The following AQR variants were observed in gnomAD, a reference collection of about 807,000 sequenced individuals.
AQR encodes RNA helicase aquarius.
Under a neutral mutation model 180.5 loss-of-function variants are expected in AQR, and 61 were observed. That is an observed-to-expected ratio of 0.34 (90% CI 0.28 to 0.42). The LOEUF (loss-of-function observed/expected upper bound fraction) is 0.42, where lower values mean the gene tolerates loss of function less well. Ranked by LOEUF, AQR falls within the 10% of genes least tolerant of loss-of-function variation. AQR has a pLI of 1.00. For synonymous variants in AQR, 551 were observed against 588.8 expected (o/e 0.94, Z 0.93); for missense variants, 1,281 against 1,798.3 (o/e 0.71, Z 5.20).
At chr15:34,966,409 A>G (rs1381848134) in intron 1 of AQR, among the ~76,000 whole-genome samples, 1 of 152,196 alleles carries the variant, frequency 6.6e-6, no homozygotes, top group African/African-American at 2.4e-5. Context: ...TCTGCATTTC[A>G]AAGTCCAACT....
chr15:34,878,931 G>C (rs1892927780), intron 27 of AQR, among the ~76,000 whole-genome samples: 1 of 152,070 alleles, frequency 6.6e-6, no homozygotes, highest in East Asian at 1.9e-4. Context: ...GGGAGGCTGA[G>C]GCAGGAGAAT....
At chr15:34,865,183 A>G (rs1892724066) in intron 32 of AQR, among the ~76,000 whole-genome samples, 1 of 152,208 alleles carries the variant, frequency 6.6e-6, no homozygotes, top group South Asian at 2.1e-4. Flanking sequence ...CTGTTAAACA[A>G]CAACGCCAAC....
chr15:34,946,954 C>T (rs575367966), intron 5 of AQR, among the ~76,000 whole-genome samples: 3 of 151,926 alleles, frequency 2.0e-5, no homozygotes, highest in East Asian at 3.9e-4. Flanking sequence ...TGCCCGGCCG[C>T]GCCTACTGGG....
intron 9 of AQR, among the ~76,000 whole-genome samples, chr15:34,936,480 C>T (rs936304284): frequency 2.0e-5 from 3 of 152,128 alleles, no homozygotes; most frequent in Non-Finnish European, 4.4e-5. Flanking sequence ...CTTTGGGAGG[C>T]CGAGGAGGGT....
intron 30 of AQR, among the ~76,000 whole-genome samples, chr15:34,873,357 T>C (rs768666504): frequency 3.9e-5 from 6 of 152,162 alleles, no homozygotes; most frequent in Non-Finnish European, 8.8e-5. Context: ...TGAGCATTGT[T>C]ATAGAAGTGA....
intron 8 of AQR, 141 bp from the exon 9 acceptor site, chr15:34,938,954 G>C (rs1006136697): frequency 1.0e-5 from 6 of 598,044 alleles, no homozygotes; most frequent in East Asian, 2.8e-5. Context: ...TCAATATACA[G>C]CTTCTTCTTT....
intron 32 of AQR, 54 bp from the exon 33 acceptor site, chr15:34,863,095 C>A (rs2140458135): frequency 6.7e-7 from 1 of 1,496,922 alleles, no homozygotes; most frequent in Non-Finnish European, 9.0e-7. Flanking sequence ...AACATTTAAG[C>A]AGCTTTTTTT....
At chr15:34,871,956 T>TTA (rs934699851) in intron 30 of AQR, among the ~76,000 whole-genome samples, 2 of 136,488 alleles carry the variant, frequency 1.5e-5, no homozygotes, top group African/African-American at 2.7e-5. Context: ...ACACAATATT[T>TTA]AAAAAAAAAA....
intron 31 of AQR, chr15:34,869,993 C>G (rs1892792550): frequency 6.6e-6 from 1 of 152,114 alleles, no homozygotes; most frequent in Non-Finnish European, 1.5e-5. Flanking sequence ...TTATACTATT[C>G]ATCACTGAAT....
At chr15:34,867,200 A>G (rs184348653) in intron 32 of AQR, among the ~76,000 whole-genome samples, 3 of 152,228 alleles carry the variant, frequency 2.0e-5, no homozygotes, top group African/African-American at 2.4e-5. Flanking sequence ...TATTCTGAAG[A>G]CTTTTTAGTT....
intron 31 of AQR, chr15:34,870,076 A>G (rs1162845189): frequency 6.6e-6 from 1 of 152,142 alleles, no homozygotes; most frequent in African/African-American, 2.4e-5. Context: ...TGAAGGCTGG[A>G]CGGTTTTCAT....
intron 23 of AQR, 56 bp downstream of exon 23, chr15:34,893,607 G>GCACGCGCACACACA: frequency 1.0e-6 from 1 of 997,688 alleles, no homozygotes; most frequent in Non-Finnish European, 1.5e-6. Flanking sequence ...GCGCATGCGT[G>GCACGCGCACACACA]CACACACACA....
chr15:34,908,898 G>T (rs1311800658), intron 17 of AQR, among the ~76,000 whole-genome samples: 1 of 152,104 alleles, frequency 6.6e-6, no homozygotes, highest in Non-Finnish European at 1.5e-5. Context: ...ATCTCCTTAA[G>T]CTTCAAGGAA....
intron 12 of AQR, among the ~76,000 whole-genome samples, chr15:34,929,018 G>A (rs970444658): frequency 3.7e-4 from 56 of 152,178 alleles, no homozygotes; most frequent in African/African-American, 1.2e-3. Flanking sequence ...GTTCATATCC[G>A]TTGCCCACTT....
At chr15:34,880,719 G>T (rs1336402596) in intron 27 of AQR, among the ~76,000 whole-genome samples, 1 of 152,118 alleles carries the variant, frequency 6.6e-6, no homozygotes. Flanking sequence ...AGGAAGGAAA[G>T]GTGCACGCAC....
intron 13 of AQR, among the ~76,000 whole-genome samples, chr15:34,921,985 T>C (rs1312844991): frequency 5.9e-5 from 9 of 152,132 alleles, no homozygotes; most frequent in Non-Finnish European, 1.2e-4. Context: ...TAAATTTTTG[T>C]ATTTTTGGTA....
rs775297416 is a variant in AQR, at chr15:34,884,650, A to G, written c.2902T>C (p.Phe968Leu). 2.5e-6 allele frequency: 4 copies of G among 1,612,712 alleles called. No individual in the cohort carries two copies. Among genetic ancestry groups the G allele is most frequent in the Non-Finnish European group, 3.4e-6 (4 of 1,179,644 alleles). ...LPDVTEVSTFFPFHEYFANAP... is the reference protein window; with the variant it reads ...LPDVTEVSTFLPFHEYFANAP... ...TTTGCAAAGTATTCATGGAAAGGGA[A>G]GAAAGTGGAGACTTCCGTAACATCT... Residue 968 changes from phenylalanine to leucine, a missense_variant, in exon 26 of 35, where the codon TTC (phenylalanine) becomes CTC (leucine). Physicochemically the swap from Phe to Leu is conservative, Grantham distance 22. This residue lies in a region of AQR where 125 missense variants were observed against 185.0 expected (regional missense o/e 0.68). Transcript: ENST00000156471.
intron 6 of AQR, among the ~76,000 whole-genome samples, chr15:34,943,942 G>T (rs1442025547): frequency 6.6e-6 from 1 of 152,146 alleles, no homozygotes; most frequent in Non-Finnish European, 1.5e-5. Context: ...TTGTGGCACA[G>T]ATCTCATTAC....
chr15:34,870,262 T>C (rs1287239380), intron 31 of AQR: 1 of 152,152 alleles, frequency 6.6e-6, no homozygotes, highest in African/African-American at 2.4e-5. Flanking sequence ...TTTATGTTTT[T>C]TCTAATGTAT....
Sources: allele counts gnomAD v4.1 joint callset (sites outside exome capture counted in the v4.1 genomes callset), GRCh38; gene constraint gnomAD v4.1.1; regional missense constraint gnomAD v4.1.1; transcripts MANE v1.5; gene names NCBI Gene and HGNC (gene_info 2026-07-23, HGNC 2026-07-21).